AGBL4: variants seen among roughly 807,000 people sequenced by gnomAD.
AGBL4 encodes the protein AGBL carboxypeptidase 4, also known as cytosolic carboxypeptidase 6.
Under a neutral mutation model 66.4 loss-of-function variants are expected in AGBL4, and 58 were observed. The observed-to-expected ratio is 0.87, with a 90% CI of 0.71 to 1.09. The LOEUF (loss-of-function observed/expected upper bound fraction) is 1.09, where lower values mean the gene tolerates loss of function less well. AGBL4 is among the 50% of genes least tolerant of loss of function. The pLI, the probability that AGBL4 is intolerant of heterozygous loss-of-function variation, is 0.00. For synonymous variants in AGBL4, 234 were observed against 222.9 expected (o/e 1.05, Z -0.44); for missense variants, 579 against 631.0 (o/e 0.92, Z 0.88).
chr1:49,826,585 C>A (rs772133460), intron 2 of AGBL4, among the ~76,000 whole-genome samples: 1 of 152,168 alleles, frequency 6.6e-6, no homozygotes, highest in Non-Finnish European at 1.5e-5. Flanking sequence ...ATAACTGTAT[C>A]CCTGTATAGA....
chr1:49,843,628 T>A (rs1241106180), intron 2 of AGBL4, among the ~76,000 whole-genome samples: 27 of 152,174 alleles, frequency 1.8e-4, no homozygotes, highest in Admixed American at 1.8e-3. Flanking sequence ...GATAATCCAG[T>A]ATAATTTCTC....
At chr1:49,742,357 C>A (rs939976925) in intron 2 of AGBL4, among the ~76,000 whole-genome samples, 29 of 152,102 alleles carry the variant, frequency 1.9e-4, no homozygotes, top group Admixed American at 7.2e-4. Flanking sequence ...ATGTGAAGGA[C>A]CTCTTCAAGG....
intron 6 of AGBL4, among the ~76,000 whole-genome samples, chr1:48,723,877 A>G (rs1049981457): frequency 6.6e-6 from 1 of 152,228 alleles, no homozygotes; most frequent in Non-Finnish European, 1.5e-5. Flanking sequence ...ATTTATAAAG[A>G]GTCTAAAAAT....
At chr1:49,423,441 A>C (rs1228162237) in intron 3 of AGBL4, among the ~76,000 whole-genome samples, 3 of 152,214 alleles carry the variant, frequency 2.0e-5, no homozygotes, top group Non-Finnish European at 4.4e-5. Flanking sequence ...ATGGAACAGA[A>C]TACCCATGAA....
chr1:49,741,623 C>T (rs1388255193), intron 2 of AGBL4, among the ~76,000 whole-genome samples: 1 of 152,146 alleles, frequency 6.6e-6, no homozygotes, highest in Non-Finnish European at 1.5e-5. Context: ...ACCAATATCC[C>T]TGATGAACAT....
intron 3 of AGBL4, among the ~76,000 whole-genome samples, chr1:49,604,262 G>A (rs867097905): frequency 6.6e-6 from 1 of 151,986 alleles, no homozygotes; most frequent in South Asian, 2.1e-4. Context: ...TTTTAATAAT[G>A]GCCATTCTGG....
At chr1:48,787,045 C>T (rs1012433372) in intron 6 of AGBL4, among the ~76,000 whole-genome samples, 1 of 152,010 alleles carries the variant, frequency 6.6e-6, no homozygotes, top group African/African-American at 2.4e-5. Flanking sequence ...TATTATTAGC[C>T]TCATTTTAAA....
chr1:49,045,673 A>G lies in AGBL4; in HGVS notation c.505T>C (p.Tyr169His), dbSNP rs748529413. 7 of 1,579,440 alleles carry G rather than the reference A, an allele frequency of 4.4e-6. No homozygotes were observed. The African/African-American group carries it at 6.7e-5, about 15-fold the overall frequency. ...TAATGTTGGAAGCGAGTGTATGTAT[A>G]TGGGTAGCAGTAAGCAAACTGGTAA... ...DIYQFAYCYP[Y>H]TYTRFQHYLD... The change falls in exon 5 of 14, where the codon TAT becomes CAT. Residue 169 changes from tyrosine to histidine, a missense_variant. Physicochemically the swap from Tyr to His is moderately conservative, Grantham distance 83 (BLOSUM62 2). Transcript: ENST00000371839.
intron 3 of AGBL4, among the ~76,000 whole-genome samples, chr1:49,537,515 A>G (rs1651688138): frequency 2.0e-5 from 3 of 152,178 alleles, no homozygotes; most frequent in African/African-American, 7.2e-5. Flanking sequence ...CTTTCAAAAG[A>G]AGGCACAAAA....
chr1:49,001,698 C>T (rs935522915), intron 5 of AGBL4, among the ~76,000 whole-genome samples: 1 of 152,172 alleles, frequency 6.6e-6, no homozygotes, highest in Admixed American at 6.5e-5. Flanking sequence ...CTATGACAGT[C>T]TCCTCATTTG....
In AGBL4 at chr1:49,227,435, A is replaced by C. The variant is rs183518104; in HGVS notation, c.377+18335T>G. ...ATGTGTCCTAACTCATCCCTGATTC[A>C]TCAAAAAAGTCATCTTCCATTCTTC... On this transcript the variant is annotated intron_variant, in intron 4 of 13. Coordinates refer to ENST00000371839, the MANE Select transcript of AGBL4 (RefSeq NM_032785.4). 2.2e-3 allele frequency among the ~76,000 whole-genome samples: 342 copies of C among 152,232 alleles called. 3 individuals carry two copies. Among genetic ancestry groups the C allele is most frequent in the Non-Finnish European group, 3.9e-3 (264 of 68,014 alleles).
chr1:49,183,224 G>T (rs1471487210), intron 4 of AGBL4, among the ~76,000 whole-genome samples: 4 of 152,124 alleles, frequency 2.6e-5, no homozygotes, highest in Non-Finnish European at 5.9e-5. Flanking sequence ...AATTCGAGGA[G>T]AGACTGTAGT....
At chr1:49,799,364 T>C (rs1199566533) in intron 2 of AGBL4, among the ~76,000 whole-genome samples, 1 of 152,196 alleles carries the variant, frequency 6.6e-6, no homozygotes, top group African/African-American at 2.4e-5. Context: ...AGTCCAACAG[T>C]TGAGATCCTC....
intron 6 of AGBL4, among the ~76,000 whole-genome samples, chr1:48,726,049 G>A (rs1647251238): frequency 6.6e-6 from 1 of 152,134 alleles, no homozygotes. Flanking sequence ...GAAGAAACAA[G>A]GCCCAGAGGT....
chr1:49,599,846 A>T (rs924019555), intron 3 of AGBL4, among the ~76,000 whole-genome samples: 2 of 152,134 alleles, frequency 1.3e-5, no homozygotes, highest in African/African-American at 4.8e-5. Context: ...GAACTTACAT[A>T]TTCCTGCCTT....
intron 3 of AGBL4, among the ~76,000 whole-genome samples, chr1:49,522,782 C>A (rs982421041): frequency 7.9e-5 from 12 of 152,038 alleles, no homozygotes; most frequent in African/African-American, 2.9e-4. Flanking sequence ...CTGGAAAAAA[C>A]CTTTCTGATA....
At chr1:49,423,257 G>A (rs1322801088) in intron 3 of AGBL4, 1 of 152,198 alleles carries the variant, frequency 6.6e-6, no homozygotes, top group East Asian at 1.9e-4. Flanking sequence ...TAGACTAAAA[G>A]CTTCTTCAAG....
intron 3 of AGBL4, among the ~76,000 whole-genome samples, chr1:49,380,443 C>T (rs988643175): frequency 6.6e-6 from 1 of 152,060 alleles, no homozygotes; most frequent in African/African-American, 2.4e-5. Flanking sequence ...AGATTCAATG[C>T]CATCCCCATC....
intron 5 of AGBL4, among the ~76,000 whole-genome samples, chr1:48,969,936 G>A (rs978654166): frequency 3.3e-5 from 5 of 152,174 alleles, no homozygotes; most frequent in African/African-American, 1.2e-4. Flanking sequence ...CAGATTCTAA[G>A]CATATTACTT....
Sources: allele counts gnomAD v4.1 joint callset (sites outside exome capture counted in the v4.1 genomes callset), GRCh38; gene constraint gnomAD v4.1.1; transcripts MANE v1.5; gene names NCBI Gene and HGNC (gene_info 2026-07-23, HGNC 2026-07-21).